SLC44A1: variants seen among roughly 807,000 people sequenced by gnomAD.
The protein encoded by SLC44A1 is solute carrier family 44 member 1, also known as choline transporter-like protein 1.
A neutral mutation model predicts 79.3 loss-of-function variants in SLC44A1; 26 were observed. The ratio of observed to expected loss-of-function variants is 0.33; its 90% CI spans 0.24 to 0.46. SLC44A1 has a LOEUF of 0.46. Among genes scored for constraint, SLC44A1 ranks in the 20% least tolerant of loss-of-function variants. The pLI is 1.00. For missense variants in SLC44A1, 688 were observed against 798.1 expected (o/e 0.86, Z 1.66); for synonymous variants, 263 against 286.2 (o/e 0.92, Z 0.82).
intron 15 of SLC44A1, among the ~76,000 whole-genome samples, chr9:105,418,867 G>A (rs918606519): frequency 1.3e-5 from 2 of 152,168 alleles, no homozygotes; most frequent in African/African-American, 4.8e-5. Flanking sequence ...CAAGTCAACA[G>A]CCTAAAGGAC....
intron 1 of SLC44A1, among the ~76,000 whole-genome samples, chr9:105,270,497 C>G (rs1304561514): frequency 6.6e-6 from 1 of 152,112 alleles, no homozygotes; most frequent in Non-Finnish European, 1.5e-5. Context: ...CTGGCTCTGC[C>G]TCCCTCTTCA....
chr9:105,333,331 T>G (rs1826811993), intron 3 of SLC44A1, among the ~76,000 whole-genome samples: 1 of 152,178 alleles, frequency 6.6e-6, no homozygotes. Flanking sequence ...CACTTAGAAC[T>G]GTGTACTCAA....
intron 1 of SLC44A1, among the ~76,000 whole-genome samples, chr9:105,264,937 C>G (rs1829925869): frequency 6.6e-6 from 1 of 152,224 alleles, no homozygotes; most frequent in African/African-American, 2.4e-5. Context: ...GCTGGGATTA[C>G]AGGCATGCGC....
Position 105,392,041 on chromosome 9 carries a change from G to A in SLC44A1, c.*2985G>A, listed in dbSNP as rs1046340926. 6.1e-6 allele frequency: 6 copies of A among 985,036 alleles called. No individual in the cohort carries two copies. In the Admixed American group the frequency reaches 1.8e-4, roughly 30 times the overall value. 61.0% of individuals were successfully genotyped at this position (985,036 alleles called of 1,614,324 possible). On this transcript the variant is annotated 3_prime_UTR_variant, in exon 16 of 16. Transcript: ENST00000374720. ...GTCTTCCATAATATGGAAGAGAAAA[G>A]TTATATTTCAGTGTAAATCCAAGAG... is the stretch of plus-strand genomic sequence containing the variant.
chr9:105,421,754 A>T (rs1429318773), intron 15 of SLC44A1, among the ~76,000 whole-genome samples: 1 of 151,822 alleles, frequency 6.6e-6, no homozygotes, highest in Non-Finnish European at 1.5e-5. Context: ...CGCCCGGCTA[A>T]TTTTTTGTAT....
At position 105,411,452 on chromosome 9, in the gene SLC44A1, A is replaced by ATGTG. The variant is rs143819316; in HGVS notation, c.1950+25977_1950+25980dup. Among the ~76,000 whole-genome samples the ATGTG allele has an allele frequency of 2.8e-3, 352 of 127,604 alleles. 1 individual carries two copies. Among genetic ancestry groups the ATGTG allele is most frequent in the East Asian group, 9.4e-3 (41 of 4,358 alleles). 83.7% of individuals were successfully genotyped at this position (127,604 alleles called of 152,430 possible). A position where few individuals can be genotyped will look rare whatever the true frequency, so the allele number is the denominator to read the frequency against. Reference sequence around the variant, plus strand: ...CATCTCTCTTGGTCTCTCTCTGTGTATGTGTGTGTGTGTGTGTGTGTGTGT... The same window carrying ATGTG: ...CATCTCTCTTGGTCTCTCTCTGTGTATGTGTGTGTGTGTGTGTGTGTGTGTGTGT... On this transcript the variant is annotated intron_variant, in intron 15 of 15. Coordinates refer to the SLC44A1 transcript ENST00000374724.
intron 15 of SLC44A1, among the ~76,000 whole-genome samples, chr9:105,406,318 C>A (rs1033343012): frequency 6.6e-6 from 1 of 151,972 alleles, no homozygotes; most frequent in African/African-American, 2.4e-5. Context: ...AACTACAAAC[C>A]CTAGGGAGGA....
intron 1 of SLC44A1, among the ~76,000 whole-genome samples, chr9:105,268,169 A>T (rs1422070657): frequency 1.3e-5 from 2 of 152,180 alleles, no homozygotes; most frequent in Admixed American, 1.3e-4. Context: ...GAATGCTCTC[A>T]TGCAACCCAA....
intron 2 of SLC44A1, among the ~76,000 whole-genome samples, chr9:105,304,573 G>A (rs10991612): frequency 0.15 from 23,090 of 152,038 alleles, 2,450 homozygotes; most frequent in African/African-American, 0.3. Context: ...CTCCCTGCAA[G>A]TATACTCTTA....
intron 1 of SLC44A1, among the ~76,000 whole-genome samples, chr9:105,251,005 T>C (rs1829571732): frequency 6.6e-6 from 1 of 152,168 alleles, no homozygotes; most frequent in South Asian, 2.1e-4. Flanking sequence ...TGAGAGCCAC[T>C]CTTCCTTACC....
At chr9:105,260,639 T>C (rs1829817762) in intron 1 of SLC44A1, among the ~76,000 whole-genome samples, 1 of 152,188 alleles carries the variant, frequency 6.6e-6, no homozygotes, top group East Asian at 1.9e-4. Flanking sequence ...GTTTCTCAGA[T>C]TAGTGATTTG....
rs937906370 is a variant in SLC44A1 at position 105,396,625 on chromosome 9, A to T, written c.*7569A>T. The T allele has an allele frequency of 1.7e-5, 17 of 985,244 alleles. No individual in the cohort carries two copies. The highest frequency in any genetic ancestry group is 2.0e-5 in the Non-Finnish European group (17 of 829,940). The allele number at this position is 985,244 out of a possible 1,614,324, so 61.0% of individuals were successfully genotyped here. Reference sequence around the variant, plus strand: ...GCATATGGGGTGATATGAGCAGAAAACACACATCGGTGTGTCTTGATTTCT... The same window carrying T: ...GCATATGGGGTGATATGAGCAGAAATCACACATCGGTGTGTCTTGATTTCT... On this transcript the variant is annotated 3_prime_UTR_variant, in exon 16 of 16. Transcript: ENST00000374720.
chr9:105,344,505 A>T lies in SLC44A1; in HGVS notation c.407-3853A>T, dbSNP rs143935082. On this transcript the variant is annotated intron_variant, in intron 4 of 15. Transcript: ENST00000374720. ...AGCCCCCTACAACCAAGAATTGTCC[A>T]GCACAAAATGTCGTAATACCAAGAT... Among the ~76,000 whole-genome samples, 840 of 152,328 alleles carry T rather than the reference A, an allele frequency of 5.5e-3. 10 individuals are homozygous for T. Among genetic ancestry groups the T allele is most frequent in the African/African-American group, 0.019 (801 of 41,572 alleles).
downstream of SLC44A1, among the ~76,000 whole-genome samples, chr9:105,397,951 AAAAAAAAAAAAAG>A (rs1031843977): frequency 6.0e-5 from 9 of 149,384 alleles, no homozygotes; most frequent in African/African-American, 2.3e-4. Context: ...CGGTCTCAGA[AAAAAAAAAAAAAG>A]AAAAAAAGAA....
chr9:105,408,307 A>C (rs2131504252), intron 15 of SLC44A1, among the ~76,000 whole-genome samples: 1 of 152,366 alleles, frequency 6.6e-6, no homozygotes, highest in African/African-American at 2.4e-5. Context: ...AAGTAACTCT[A>C]GCTATACAAA....
chr9:105,390,952 T>C lies in SLC44A1; in HGVS notation c.*1896T>C, dbSNP rs1828750180. 20 of 981,910 alleles carry C rather than the reference T, an allele frequency of 2.0e-5. No individual in the cohort carries two copies. The highest frequency in any genetic ancestry group is 2.3e-5 in the Non-Finnish European group (19 of 826,360). 60.8% of individuals were successfully genotyped at this position (981,910 alleles called of 1,614,324 possible). Reference sequence around the variant, plus strand: ...TATTCATTTGAAATGAATATAATTATATAACTAACAATTGTCCAAATAGAT... The same window carrying C: ...TATTCATTTGAAATGAATATAATTACATAACTAACAATTGTCCAAATAGAT... On this transcript the variant is annotated 3_prime_UTR_variant, in exon 16 of 16. Coordinates refer to ENST00000374720, the MANE Select transcript of SLC44A1 (RefSeq NM_080546.5).
chr9:105,313,755 A>G (rs1374285366), intron 3 of SLC44A1, among the ~76,000 whole-genome samples: 2 of 151,978 alleles, frequency 1.3e-5, no homozygotes, highest in African/African-American at 4.8e-5. Flanking sequence ...AAAAATTATT[A>G]TCATTATTAT....
intron 10 of SLC44A1, 68 bp downstream of exon 10, chr9:105,364,788 A>G (rs1827891255): frequency 7.7e-7 from 1 of 1,295,400 alleles, no homozygotes; most frequent in African/African-American, 1.5e-5. Context: ...CTGGAGGGGA[A>G]GGGAATCAGA....
intron 15 of SLC44A1, among the ~76,000 whole-genome samples, chr9:105,418,150 T>C (rs1829197072): frequency 6.6e-6 from 1 of 151,324 alleles, no homozygotes; most frequent in Non-Finnish European, 1.5e-5. Flanking sequence ...CCATCTCTAC[T>C]AAAAATACAA....
Sources: allele counts gnomAD v4.1 joint callset (sites outside exome capture counted in the v4.1 genomes callset), GRCh38; gene constraint gnomAD v4.1.1; transcripts MANE v1.5; gene names NCBI Gene and HGNC (gene_info 2026-07-23, HGNC 2026-07-21).